Variants in MRPS27 observed in about 807,000 individuals in gnomAD.
MRPS27 encodes the protein small ribosomal subunit protein mS27.
Under a neutral mutation model 48.9 loss-of-function variants are expected in MRPS27, and 43 were observed. The observed-to-expected ratio is 0.88, with a 90% CI of 0.69 to 1.13. MRPS27 has a LOEUF of 1.13. Among genes scored for constraint, MRPS27 ranks in the 50% most tolerant of loss-of-function variants. The pLI, the probability that MRPS27 is intolerant of heterozygous loss-of-function variation, is 0.00. For synonymous variants in MRPS27, 188 were observed against 171.9 expected, an observed-to-expected ratio of 1.09 and a Z score of -0.73; for missense variants, 467 against 476.3, an observed-to-expected ratio of 0.98 and a Z score of 0.18.
At chr5:72,223,598 A>G (rs1010255162) in intron 10 of MRPS27, 85 bp downstream of exon 10, 2 of 1,476,532 alleles carry the variant, frequency 1.4e-6, no homozygotes, top group African/African-American at 2.8e-5. Flanking sequence ...TGTGACATTG[A>G]TGCAGAAAGA....
intron 4 of MRPS27, among the ~76,000 whole-genome samples, chr5:72,251,038 C>T (rs1207284245): frequency 6.6e-6 from 1 of 152,210 alleles, no homozygotes; most frequent in Non-Finnish European, 1.5e-5. Context: ...ATGCCTGGCA[C>T]ATGGTGCTTT....
At chr5:72,223,635 A>G (rs1747812188) in intron 10 of MRPS27, 48 bp downstream of exon 10, 3 of 1,599,708 alleles carry the variant, frequency 1.9e-6, no homozygotes, top group Non-Finnish European at 2.6e-6. Flanking sequence ...ACAGGAGAGA[A>G]GTGTGTTTTA....
intron 9 of MRPS27, among the ~76,000 whole-genome samples, chr5:72,225,702 C>T (rs1320509767): frequency 6.6e-6 from 1 of 152,028 alleles, no homozygotes; most frequent in Non-Finnish European, 1.5e-5. Context: ...TATGTAGCCT[C>T]TCAGGACTAC....
intron 4 of MRPS27, among the ~76,000 whole-genome samples, chr5:72,253,163 GTAGC>G (rs1051148491): frequency 1.3e-5 from 2 of 152,146 alleles, no homozygotes; most frequent in African/African-American, 4.8e-5. Context: ...GGCTTAGGTT[GTAGC>G]TTTCTTTTTC....
intron 7 of MRPS27, chr5:72,229,272 T>C (rs935698265): frequency 1.3e-5 from 2 of 152,232 alleles, no homozygotes; most frequent in Non-Finnish European, 1.5e-5. Flanking sequence ...AGGCTGCAGT[T>C]ACAACCACGG....
At chr5:72,291,403 A>G (rs1749816216) in intron 4 of MRPS27, among the ~76,000 whole-genome samples, 2 of 152,242 alleles carry the variant, frequency 1.3e-5, no homozygotes, top group Admixed American at 6.5e-5. Context: ...GAAACCAATT[A>G]TATTGAAATA....
At chr5:72,290,906 C>G (rs1220849969) in intron 4 of MRPS27, among the ~76,000 whole-genome samples, 1 of 152,206 alleles carries the variant, frequency 6.6e-6, no homozygotes, top group Non-Finnish European at 1.5e-5. Flanking sequence ...TTCTGCGTCA[C>G]AGAACCTTTG....
At chr5:72,247,814 G>A (rs1748545952) in intron 4 of MRPS27, among the ~76,000 whole-genome samples, 1 of 152,046 alleles carries the variant, frequency 6.6e-6, no homozygotes, top group Non-Finnish European at 1.5e-5. Context: ...CTGTTATCTG[G>A]CAATTCCTAT....
intron 4 of MRPS27, among the ~76,000 whole-genome samples, chr5:72,240,582 T>C (rs549629563): frequency 1.3e-5 from 2 of 152,282 alleles, no homozygotes; most frequent in South Asian, 4.1e-4. Context: ...TGATGAACTT[T>C]ACAATAAGAA....
intron 4 of MRPS27, among the ~76,000 whole-genome samples, chr5:72,280,027 C>T (rs552205651): frequency 6.6e-6 from 1 of 152,278 alleles, no homozygotes; most frequent in African/African-American, 2.4e-5. Flanking sequence ...TCTCAGGTTT[C>T]CAGATATGTA....
chr5:72,297,168 C>A (rs1750002563), intron 3 of MRPS27, among the ~76,000 whole-genome samples: 2 of 152,168 alleles, frequency 1.3e-5, no homozygotes, highest in African/African-American at 4.8e-5. Context: ...ATAGAAGGTG[C>A]TCAGTAATGG....
At chr5:72,303,756 A>T (rs962366206) in intron 2 of MRPS27, among the ~76,000 whole-genome samples, 1 of 151,992 alleles carries the variant, frequency 6.6e-6, no homozygotes, top group Non-Finnish European at 1.5e-5. Context: ...TCTTTAAAAA[A>T]TAAGGGCAAA....
At chr5:72,304,003 T>C (rs1477065770) in intron 2 of MRPS27, among the ~76,000 whole-genome samples, 1 of 151,890 alleles carries the variant, frequency 6.6e-6, no homozygotes, top group Non-Finnish European at 1.5e-5. Context: ...TAAAATTGGT[T>C]AAATTGGGGG....
intron 4 of MRPS27, among the ~76,000 whole-genome samples, chr5:72,293,894 T>A (rs977444622): frequency 1.3e-5 from 2 of 152,090 alleles, no homozygotes; most frequent in Non-Finnish European, 2.9e-5. Flanking sequence ...ACACCCTTCA[T>A]CACAGACAAA....
chr5:72,248,596 T>C (rs1252746196), intron 4 of MRPS27, among the ~76,000 whole-genome samples: 5 of 142,504 alleles, frequency 3.5e-5, no homozygotes, highest in African/African-American at 8.0e-5. Context: ...GTATGAGTCA[T>C]AGGGGAAGGA....
At chr5:72,258,912 C>A (rs772987832) in intron 4 of MRPS27, among the ~76,000 whole-genome samples, 2 of 152,206 alleles carry the variant, frequency 1.3e-5, no homozygotes, top group Non-Finnish European at 2.9e-5. Context: ...TCTCTCCCAG[C>A]TGCAAATCCA....
At chr5:72,249,509 C>G (rs1748600137) in intron 4 of MRPS27, among the ~76,000 whole-genome samples, 1 of 151,830 alleles carries the variant, frequency 6.6e-6, no homozygotes, top group Non-Finnish European at 1.5e-5. Flanking sequence ...AATGGTGAAA[C>G]CCCGTCTCTA....
chr5:72,282,109 T>G (rs1749549228), intron 4 of MRPS27, among the ~76,000 whole-genome samples: 1 of 152,066 alleles, frequency 6.6e-6, no homozygotes. Flanking sequence ...TACCTGGAAA[T>G]CTATCATGAA....
At chr5:72,252,302 A>T (rs923698400) in intron 4 of MRPS27, among the ~76,000 whole-genome samples, 2 of 151,216 alleles carry the variant, frequency 1.3e-5, no homozygotes, top group African/African-American at 4.9e-5. Context: ...GAATACTTAT[A>T]AAAAATGTAG....
Sources: gnomAD v4.1 joint callset for allele counts (sites outside exome capture counted in the v4.1 genomes callset) on GRCh38, gnomAD v4.1.1 for gene constraint, MANE v1.5 for transcripts, NCBI Gene and HGNC (gene_info 2026-07-23, HGNC 2026-07-21) for gene names.